LEO1: variants seen among roughly 807,000 people sequenced by gnomAD.
LEO1 encodes RNA polymerase-associated protein LEO1.
In LEO1, 34 loss-of-function variants were observed where a neutral mutation model predicts 80.4. The ratio of observed to expected loss-of-function variants is 0.42; its 90% confidence interval spans 0.32 to 0.56. The LOEUF (loss-of-function observed/expected upper bound fraction) is 0.56. Among genes scored for constraint, LEO1 ranks in the 20% least tolerant of loss-of-function variants. LEO1 has a pLI of 0.10. For missense variants in LEO1, 631 were observed against 814.2 expected (o/e 0.77, Z 2.74); for synonymous variants, 262 against 274.9 (o/e 0.95, Z 0.46).
At chr15:51,961,468 C>G (rs1438023696) in intron 3 of LEO1, among the ~76,000 whole-genome samples, 1 of 152,064 alleles carries the variant, frequency 6.6e-6, no homozygotes, top group Non-Finnish European at 1.5e-5. Flanking sequence ...CCTTGGCTTA[C>G]TGCAACCTCT....
rs374225121 is a variant in LEO1, at chr15:51,971,676, C to G, written c.58+12G>C. On this transcript the variant is annotated intron_variant, in intron 1 of 11. Coordinates refer to ENST00000299601, the MANE Select transcript of LEO1 (RefSeq NM_138792.4). Reference sequence around the variant, plus strand: ...TGCCACGCACCCATCCTCCGAAGACCAGCGAACCCACCTTTACGCTCAGCT... The same window carrying G: ...TGCCACGCACCCATCCTCCGAAGACGAGCGAACCCACCTTTACGCTCAGCT... The G allele has an allele frequency of 6.2e-7, 1 of 1,613,856 alleles. No homozygotes were observed. Among genetic ancestry groups the G allele is most frequent in the Admixed American group, 1.7e-5 (1 of 60,032 alleles).
At chr15:51,948,326 C>G (rs748589556) in intron 10 of LEO1, among the ~76,000 whole-genome samples, 1 of 152,218 alleles carries the variant, frequency 6.6e-6, no homozygotes, top group Non-Finnish European at 1.5e-5. Context: ...GAATGTTACA[C>G]ACCTCTCTCT....
chr15:51,947,231 T>C (rs2056908952), intron 11 of LEO1, 61 bp downstream of exon 11: 1 of 1,083,120 alleles, frequency 9.2e-7, no homozygotes, highest in Admixed American at 1.7e-5. Flanking sequence ...AGCTCTTCAT[T>C]CAAAGCAGTT....
chr15:51,963,357 A>T (rs1379663867), intron 2 of LEO1, among the ~76,000 whole-genome samples: 1 of 152,210 alleles, frequency 6.6e-6, no homozygotes, highest in East Asian at 1.9e-4. Context: ...AAATTTACAT[A>T]AGACAAATTT....
At chr15:51,970,640 GATAAGTACAGAAACA>G (rs1439939832) in intron 1 of LEO1, among the ~76,000 whole-genome samples, 1 of 152,200 alleles carries the variant, frequency 6.6e-6, no homozygotes, top group Admixed American at 6.5e-5. Flanking sequence ...TCCCAGAACA[GATAAGTACAGAAACA>G]ATAGCAGACA....
chr15:51,963,202 G>A (rs1595944684), intron 2 of LEO1, among the ~76,000 whole-genome samples: 2 of 152,134 alleles, frequency 1.3e-5, no homozygotes, highest in South Asian at 4.2e-4. Context: ...TTTGAACCTG[G>A]GAGACTGATG....
rs777389009 is a variant in LEO1, at chr15:51,949,885, C to T, written c.1721G>A (p.Arg574Gln). Reference sequence around the variant, plus strand: ...CTCGCCTTCCTCCTCCTCATCGTATCGATCAGGTTCCAGGTAACTGGCGCT... The same window carrying T: ...CTCGCCTTCCTCCTCCTCATCGTATTGATCAGGTTCCAGGTAACTGGCGCT... ...GLSASYLEPD[R>Q]YDEEEEGEES... The change falls in exon 10 of 12, where the codon CGA becomes CAA. Residue 574 changes from arginine (R) to glutamine (Q), a missense_variant. By Grantham distance (43) the Arg-to-Gln change is conservative (BLOSUM62 1). Around this residue, in one of 4 missense-constraint regions of LEO1, gnomAD observed 117 missense variants for 163.5 expected, o/e 0.72. Coordinates refer to ENST00000299601, the MANE Select transcript of LEO1 (RefSeq NM_138792.4). 7 of 1,613,942 alleles carry T rather than the reference C, an allele frequency of 4.3e-6. No homozygotes were observed. Among genetic ancestry groups the T allele is most frequent in the Middle Eastern group, 1.7e-4 (1 of 6,016 alleles).
At chr15:51,962,164 T>TA (rs11407897) in intron 3 of LEO1, among the ~76,000 whole-genome samples, 3,411 of 133,724 alleles carry the variant, frequency 0.026, 88 homozygotes, top group African/African-American at 0.066. Context: ...CTCTGTCTCT[T>TA]AAAAAAAAAA....
chr15:51,950,331 G>A (rs969943605), intron 9 of LEO1, among the ~76,000 whole-genome samples: 1 of 152,164 alleles, frequency 6.6e-6, no homozygotes, highest in African/African-American at 2.4e-5. Flanking sequence ...ATGCCCAGCA[G>A]AAACCTAAAT....
chr15:51,940,254 CAAAAAAAAAAAAAAA>C (rs745641318), intron 11 of LEO1, among the ~76,000 whole-genome samples: 1 of 37,934 alleles, frequency 2.6e-5, no homozygotes, highest in Non-Finnish European at 4.9e-5. Context: ...GACTCCGTAT[CAAAAAAAAAAAAAAA>C]AAAAAAAAAG....
chr15:51,939,973 C>T (rs967126801), intron 11 of LEO1, among the ~76,000 whole-genome samples: 1 of 152,018 alleles, frequency 6.6e-6, no homozygotes, highest in African/African-American at 2.4e-5. Context: ...TGCCAAGGAC[C>T]GGCCGGGCGC....
chr15:51,941,658 G>C (rs1178339229), intron 11 of LEO1, among the ~76,000 whole-genome samples: 1 of 152,002 alleles, frequency 6.6e-6, no homozygotes, highest in Non-Finnish European at 1.5e-5. Flanking sequence ...AGATCTTTGA[G>C]GTAATTTAGA....
chr15:51,945,182 T>C (rs758405421), intron 11 of LEO1, among the ~76,000 whole-genome samples: 40 of 147,030 alleles, frequency 2.7e-4, no homozygotes, highest in Non-Finnish European at 4.9e-4. Context: ...TTTGGGAAGT[T>C]GAGGCAGGCA....
intron 2 of LEO1, among the ~76,000 whole-genome samples, chr15:51,963,276 A>G (rs1166829211): frequency 6.6e-6 from 1 of 152,150 alleles, no homozygotes; most frequent in Non-Finnish European, 1.5e-5. Context: ...ACTGTCTCAA[A>G]TAAATAAATA....
At chr15:51,956,234 A>C (rs2056987848) in intron 6 of LEO1, among the ~76,000 whole-genome samples, 2 of 152,112 alleles carry the variant, frequency 1.3e-5, no homozygotes, top group South Asian at 4.1e-4. Flanking sequence ...CCTGGCCAAC[A>C]CAGTGAAACC....
intron 1 of LEO1, among the ~76,000 whole-genome samples, chr15:51,969,701 G>T (rs988404774): frequency 2.0e-5 from 3 of 152,006 alleles, no homozygotes; most frequent in African/African-American, 7.2e-5. Context: ...AATTAGTAGG[G>T]TATGGTGGCA....
intron 7 of LEO1, among the ~76,000 whole-genome samples, chr15:51,953,631 A>AG (rs1403505298): frequency 6.6e-6 from 1 of 152,076 alleles, no homozygotes; most frequent in East Asian, 1.9e-4. Flanking sequence ...AGGAAAAAAA[A>AG]AAACAAAACA....
At chr15:51,954,709 A>T in intron 6 of LEO1, 134 bp from the exon 7 acceptor site, 1 of 641,320 alleles carries the variant, frequency 1.6e-6, no homozygotes, top group Non-Finnish European at 2.8e-6. Flanking sequence ...GAGAATGAAC[A>T]ACACTGAAAC....
chr15:51,956,828 ATTTTT>A (rs1024354756), intron 6 of LEO1, among the ~76,000 whole-genome samples: 11 of 151,588 alleles, frequency 7.3e-5, no homozygotes, highest in Admixed American at 6.6e-4. Flanking sequence ...ATATTTATAA[ATTTTT>A]TTTTGGGGGG....
Sources: allele counts gnomAD v4.1 joint callset (sites outside exome capture counted in the v4.1 genomes callset), GRCh38; gene constraint gnomAD v4.1.1; regional missense constraint gnomAD v4.1.1; transcripts MANE v1.5; gene names NCBI Gene and HGNC (gene_info 2026-07-23, HGNC 2026-07-21).